The following MFHAS1 variants were observed in gnomAD, a reference collection of about 807,000 sequenced individuals.
The protein encoded by MFHAS1 is multifunctional ROCO family signaling regulator 1.
A neutral mutation model predicts 70.4 loss-of-function variants in MFHAS1; 50 were observed. The observed-to-expected ratio is 0.71, with a 90% CI of 0.57 to 0.90. The LOEUF (loss-of-function observed/expected upper bound fraction) is 0.90. MFHAS1 is among the 40% of genes least tolerant of loss of function. The probability of loss-of-function intolerance (pLI) is 0.00; values close to 1 mark genes in which losing one functional copy is unlikely to be tolerated. For synonymous variants in MFHAS1, 952 were observed against 620.0 expected (o/e 1.54, Z -7.96); for missense variants, 1,795 against 1,347.6 (o/e 1.33, Z -5.20).
intron 2 of MFHAS1, chr8:8,790,462 T>A: frequency 1.3e-6 from 1 of 741,168 alleles, no homozygotes. Flanking sequence ...AATTCCAGTA[T>A]CAATGTGGCT....
chr8:8,793,802 G>A (rs1440910420), intron 2 of MFHAS1, among the ~76,000 whole-genome samples: 4 of 152,314 alleles, frequency 2.6e-5, no homozygotes, highest in East Asian at 1.9e-4. Context: ...GTGTACACAC[G>A]TTAGACTCAT....
intron 2 of MFHAS1, among the ~76,000 whole-genome samples, chr8:8,794,768 T>C (rs1210736676): frequency 1.3e-5 from 2 of 152,290 alleles, no homozygotes; most frequent in East Asian, 3.9e-4. Context: ...ATGATTCTGA[T>C]AGCTAGGTCA....
intron 1 of MFHAS1, among the ~76,000 whole-genome samples, chr8:8,818,157 G>A (rs1014590622): frequency 1.3e-5 from 2 of 152,182 alleles, no homozygotes; most frequent in African/African-American, 4.8e-5. Flanking sequence ...CTTTCAGAGC[G>A]TCATACTTCG....
At chr8:8,800,932 C>T (rs1055224721) in intron 1 of MFHAS1, among the ~76,000 whole-genome samples, 1 of 152,074 alleles carries the variant, frequency 6.6e-6, no homozygotes, top group African/African-American at 2.4e-5. Context: ...TTTGAAATAA[C>T]AGGCTGGGTG....
intron 1 of MFHAS1, among the ~76,000 whole-genome samples, chr8:8,858,319 G>C (rs1254410372): frequency 1.3e-5 from 2 of 152,074 alleles, no homozygotes; most frequent in Non-Finnish European, 2.9e-5. Context: ...AACTAAGCAA[G>C]TCTCAGATGT....
At position 8,861,496 on chromosome 8, in the gene MFHAS1, A is replaced by G. The variant is rs546932502; in HGVS notation, c.2998+28565T>C. 3.3e-5 allele frequency among the ~76,000 whole-genome samples: 5 copies of G among 152,356 alleles called. No homozygotes were observed. In the East Asian group the frequency reaches 9.6e-4, roughly 29 times the overall value. On this transcript the variant is annotated intron_variant, in intron 1 of 2. Coordinates refer to ENST00000276282, the MANE Select transcript of MFHAS1 (RefSeq NM_004225.3). The stretch of plus-strand genomic sequence containing the variant: ...CAAAGGATATAATCACAAGGTATAT[A>G]CCAAATTAGTGTGAAAACAGCATGT...
chr8:8,796,747 G>A (rs552051374), intron 2 of MFHAS1, among the ~76,000 whole-genome samples: 9 of 140,888 alleles, frequency 6.4e-5, no homozygotes, highest in African/African-American at 1.6e-4. Flanking sequence ...TGTAATCCCA[G>A]CACTTTGGGA....
At chr8:8,820,594 T>C (rs951016843) in intron 1 of MFHAS1, among the ~76,000 whole-genome samples, 7 of 152,128 alleles carry the variant, frequency 4.6e-5, no homozygotes, top group African/African-American at 1.7e-4. Context: ...TTTCATGGAA[T>C]CCCCCATTGC....
At chr8:8,869,602 G>C (rs1398307934) in intron 1 of MFHAS1, among the ~76,000 whole-genome samples, 1 of 152,070 alleles carries the variant, frequency 6.6e-6, no homozygotes, top group Non-Finnish European at 1.5e-5. Flanking sequence ...TAAGAGGGTG[G>C]CTACACGACC....
chr8:8,839,826 A>G (rs1807735991), intron 1 of MFHAS1, among the ~76,000 whole-genome samples: 1 of 152,210 alleles, frequency 6.6e-6, no homozygotes, highest in Non-Finnish European at 1.5e-5. Context: ...GAAACAAAGA[A>G]TATCTCATTT....
intron 1 of MFHAS1, among the ~76,000 whole-genome samples, chr8:8,860,371 G>T (rs1456350331): frequency 6.6e-6 from 1 of 152,134 alleles, no homozygotes; most frequent in Non-Finnish European, 1.5e-5. Flanking sequence ...TCAGTCCCCT[G>T]TACTTAATTA....
intron 1 of MFHAS1, among the ~76,000 whole-genome samples, chr8:8,798,061 C>T (rs986689972): frequency 1.3e-5 from 2 of 152,198 alleles, no homozygotes; most frequent in African/African-American, 4.8e-5. Context: ...CACGACACAA[C>T]ACTATCTAAC....
chr8:8,814,538 G>A (rs890775337), intron 1 of MFHAS1, among the ~76,000 whole-genome samples: 6 of 152,140 alleles, frequency 3.9e-5, no homozygotes, highest in Admixed American at 1.3e-4. Context: ...TATTTAAATG[G>A]TAAGCCTGTC....
intron 1 of MFHAS1, among the ~76,000 whole-genome samples, chr8:8,835,956 T>C (rs1391353567): frequency 6.6e-6 from 1 of 152,232 alleles, no homozygotes; most frequent in Non-Finnish European, 1.5e-5. Flanking sequence ...CCGATGCTAC[T>C]ACAGTGGCAC....
At chr8:8,813,401 T>C (rs530655867) in intron 1 of MFHAS1, among the ~76,000 whole-genome samples, 81 of 152,248 alleles carry the variant, frequency 5.3e-4, no homozygotes, top group African/African-American at 1.9e-3. Context: ...TCGGGAGGTG[T>C]TCCAGGAGAA....
intron 2 of MFHAS1, among the ~76,000 whole-genome samples, chr8:8,788,137 A>G (rs1805614627): frequency 6.6e-6 from 1 of 152,170 alleles, no homozygotes; most frequent in Non-Finnish European, 1.5e-5. Context: ...TTCAATTATA[A>G]TTAGACTCTG....
At chr8:8,836,146 T>A (rs1807586337) in intron 1 of MFHAS1, among the ~76,000 whole-genome samples, 1 of 152,210 alleles carries the variant, frequency 6.6e-6, no homozygotes. Context: ...CTCAGTGATG[T>A]TATTTCTTTT....
At chr8:8,832,050 GCGCGCGCGCGCGCA>G (rs1807410768) in intron 1 of MFHAS1, among the ~76,000 whole-genome samples, 2 of 31,294 alleles carry the variant, frequency 6.4e-5, no homozygotes, top group East Asian at 4.0e-3. Flanking sequence ...GCACATGCAC[GCGCGCGCGCGCGCA>G]CACACACACA....
At chr8:8,872,248 G>C (rs1376622001) in intron 1 of MFHAS1, among the ~76,000 whole-genome samples, 1 of 152,158 alleles carries the variant, frequency 6.6e-6, no homozygotes, top group Non-Finnish European at 1.5e-5. Context: ...TTCTAACAAA[G>C]AGGAATGTAC....
Sources: gnomAD v4.1 joint callset for allele counts (sites outside exome capture counted in the v4.1 genomes callset) on GRCh38, gnomAD v4.1.1 for gene constraint, MANE v1.5 for transcripts, NCBI Gene and HGNC (gene_info 2026-07-23, HGNC 2026-07-21) for gene names.